The following PIEZO1 variants were observed in gnomAD, a reference collection of about 807,000 sequenced individuals.
The protein encoded by PIEZO1 is piezo type mechanosensitive ion channel component 1 (Er blood group).
In PIEZO1, 296 loss-of-function variants were observed where a neutral mutation model predicts 297.2. That is an observed-to-expected ratio of 1.00 (90% CI 0.91 to 1.10). PIEZO1 has a LOEUF of 1.10. Ranked by LOEUF, PIEZO1 falls within the 50% of genes least tolerant of loss-of-function variation. The pLI, the probability that PIEZO1 is intolerant of heterozygous loss-of-function variation, is 0.00. For synonymous variants in PIEZO1, 2,427 were observed against 1,507.5 expected, an observed-to-expected ratio of 1.61 and a Z score of -14.13; for missense variants, 5,018 against 3,455.5, an observed-to-expected ratio of 1.45 and a Z score of -11.34.
At chr16:88,744,423 C>A (rs765265665) in intron 2 of PIEZO1, 3 of 152,006 alleles carry the variant, frequency 2.0e-5, no homozygotes, top group Non-Finnish European at 4.4e-5. Flanking sequence ...CTGTCAAGGA[C>A]CCCCGGGCAC....
chr16:88,764,485 G>A (rs1907076970), intron 1 of PIEZO1, among the ~76,000 whole-genome samples: 1 of 152,048 alleles, frequency 6.6e-6, no homozygotes, highest in African/African-American at 2.4e-5. Context: ...GGGCGCGGTG[G>A]CTCACACCTG....
intron 1 of PIEZO1, among the ~76,000 whole-genome samples, chr16:88,759,917 C>T (rs74033396): frequency 0.36 from 54,658 of 152,062 alleles, 11,694 homozygotes; most frequent in African/African-American, 0.61. Context: ...GGGGCTCCCC[C>T]AATGGAGGCC....
chr16:88,773,968 G>T (rs1357741981), intron 1 of PIEZO1, among the ~76,000 whole-genome samples: 1 of 152,050 alleles, frequency 6.6e-6, no homozygotes, highest in Non-Finnish European at 1.5e-5. Context: ...CTTCAGCACC[G>T]CAAGCCTCCT....
intron 1 of PIEZO1, among the ~76,000 whole-genome samples, chr16:88,765,968 C>T (rs917146389): frequency 2.0e-4 from 31 of 152,122 alleles, no homozygotes; most frequent in Non-Finnish European, 3.4e-4. Context: ...GCACTGCACC[C>T]GGCCGCTATC....
At position 88,715,482 on chromosome 16, in the gene PIEZO1, G is replaced by A. The variant is rs894485572; in HGVS notation, c.*123C>T. 2.3e-5 allele frequency: 25 copies of A among 1,080,920 alleles called. No individual in the cohort carries two copies. In the Admixed American group the frequency reaches 4.7e-4, roughly 20 times the overall value. 67.0% of individuals were successfully genotyped at this position (1,080,920 alleles called of 1,614,324 possible). A position where few individuals can be genotyped will look rare whatever the true frequency, so the allele number is the denominator to read the frequency against. ...GCATCAGGGCTCAGGCAGGCCGGGAGGATGCATCACAGCTGGCGGCCTTGG... is the reference window on the plus strand; with the variant it reads ...GCATCAGGGCTCAGGCAGGCCGGGAAGATGCATCACAGCTGGCGGCCTTGG... On this transcript the variant is annotated 3_prime_UTR_variant, in exon 51 of 51. Coordinates refer to ENST00000301015, the MANE Select transcript of PIEZO1 (RefSeq NM_001142864.4).
chr16:88,735,449 A>G (rs1467731368), intron 12 of PIEZO1, among the ~76,000 whole-genome samples: 1 of 152,260 alleles, frequency 6.6e-6, no homozygotes, highest in African/African-American at 2.4e-5. Flanking sequence ...TCTCACATCC[A>G]TGGATGAGTG....
At chr16:88,731,630 G>T in intron 22 of PIEZO1, 76 bp downstream of exon 22, 1 of 1,155,736 alleles carries the variant, frequency 8.7e-7, no homozygotes, top group Non-Finnish European at 1.3e-6. Flanking sequence ...CAGGAGTCTG[G>T]GGCAGGCGGG....
Position 88,785,067 on chromosome 16 carries a change from C to A in PIEZO1, c.-103G>T, listed in dbSNP as rs1440827255. On this transcript the variant is annotated 5_prime_UTR_variant, in exon 1 of 51. Coordinates refer to ENST00000301015, the MANE Select transcript of PIEZO1 (RefSeq NM_001142864.4). ...GCGCGCCATGGCTGACCCGCGGGGA[C>A]CCGCGCGCCGCCTTCTCCTCTTCCT... 2 of 644,004 alleles carry A rather than the reference C, an allele frequency of 3.1e-6. No homozygotes were observed. Among genetic ancestry groups the A allele is most frequent in the East Asian group, 9.1e-5 (2 of 22,028 alleles). 39.9% of individuals were successfully genotyped at this position (644,004 alleles called of 1,614,324 possible). A position where few individuals can be genotyped will look rare whatever the true frequency, so the allele number is the denominator to read the frequency against.
At chr16:88,731,110 C>G (rs1028212218) in intron 22 of PIEZO1, 2 of 155,822 alleles carry the variant, frequency 1.3e-5, no homozygotes, top group Non-Finnish European at 2.9e-5. Context: ...GCGTCAGCAA[C>G]GCTACCGGCC....
Position 88,733,328 on chromosome 16 carries a change from A to G in PIEZO1, c.2614T>C (p.Tyr872His), listed in dbSNP as rs1184908264. 4 of 1,550,086 alleles carry G rather than the reference A, an allele frequency of 2.6e-6. No homozygotes were observed. Among genetic ancestry groups the G allele is most frequent in the Non-Finnish European group, 3.5e-6 (4 of 1,146,734 alleles). The change falls in exon 19 of 51, where the codon TAC becomes CAC. Residue 872 changes from tyrosine (Y) to histidine (H), a missense_variant. Tyr to His is a moderately conservative substitution (Grantham distance 83). Transcript: ENST00000301015. ...TGGGGGTTGACAACCTTGAGCTGGT[A>G]CAGCATCTTACACACGATGATGACG... Reference protein sequence around the residue: ...TCVIIVCKMLYQLKVVNPQEY... With the variant: ...TCVIIVCKMLHQLKVVNPQEY...
intron 1 of PIEZO1, among the ~76,000 whole-genome samples, chr16:88,768,043 A>G (rs1246757455): frequency 3.9e-5 from 6 of 152,164 alleles, no homozygotes; most frequent in African/African-American, 1.4e-4. Context: ...GACCCCTTAA[A>G]GCAGAGGTCT....
Position 88,723,855 on chromosome 16 carries a change from G to A in PIEZO1, c.4335+16C>T. 1.4e-6 allele frequency: 2 copies of A among 1,382,272 alleles called. No individual in the cohort carries two copies. Among genetic ancestry groups the A allele is most frequent in the East Asian group, 2.5e-5 (1 of 40,148 alleles). 85.6% of individuals were successfully genotyped at this position (1,382,272 alleles called of 1,614,324 possible). On this transcript the variant is annotated intron_variant, in intron 31 of 50. Transcript: ENST00000301015. ...TCTGTGGTTGGAGTGGGGCCGACGG[G>A]GCTCTCCCACCTCACCTGGAAGGCA... is the stretch of plus-strand genomic sequence containing the variant.
chr16:88,721,378 T>C lies in PIEZO1; in HGVS notation c.5456A>G (p.Lys1819Arg), dbSNP rs1912439566. ...EEDSPSKEHD[K>R]SGEEEQGAEE... Reference sequence around the variant, plus strand: ...GGCTCCCTGCTCCTCCTCGCCGCTCTTGTCATGCTCCTTGGATGGTGAGTC... The same window carrying C: ...GGCTCCCTGCTCCTCCTCGCCGCTCCTGTCATGCTCCTTGGATGGTGAGTC... The change falls in exon 39 of 51, where the codon AAG (lysine) becomes AGG (arginine). Residue 1819 changes from lysine (K) to arginine (R), a missense_variant. By Grantham distance (26) the Lys-to-Arg change is conservative. Coordinates refer to ENST00000301015, the MANE Select transcript of PIEZO1 (RefSeq NM_001142864.4). The C allele has an allele frequency of 1.3e-6, 2 of 1,549,874 alleles. No individual in the cohort carries two copies. The highest frequency in any genetic ancestry group is 1.7e-6 in the Non-Finnish European group (2 of 1,146,864).
At chr16:88,719,497 G>A (rs1008500415) in intron 44 of PIEZO1, 77 bp downstream of exon 44, 40 of 1,394,422 alleles carry the variant, frequency 2.9e-5, no homozygotes, top group Middle Eastern at 1.8e-4. Context: ...ACGGGTTCTC[G>A]TGGCAGCAGT....
At chr16:88,725,389 T>G (rs1012183987) in intron 29 of PIEZO1, 27 bp downstream of exon 29, 26 of 1,325,738 alleles carry the variant, frequency 2.0e-5, no homozygotes, top group Non-Finnish European at 2.6e-5. Context: ...CACGGGGCCC[T>G]GGGTGCCCGA....
chr16:88,756,586 G>A (rs892711966), intron 1 of PIEZO1, among the ~76,000 whole-genome samples: 8 of 151,914 alleles, frequency 5.3e-5, no homozygotes, highest in African/African-American at 1.7e-4. Context: ...TGGCCAACAT[G>A]GTGAAACCCC....
Position 88,726,646 on chromosome 16 carries a change from G to A in PIEZO1, c.3700-3C>T, listed in dbSNP as rs774000535. 57 of 1,482,410 alleles carry A rather than the reference G, an allele frequency of 3.8e-5. No individual in the cohort carries two copies. The highest frequency in any genetic ancestry group is 4.7e-5 in the Non-Finnish European group (51 of 1,092,092). The allele number at this position is 1,482,410 out of a possible 1,614,324, so 91.8% of individuals were successfully genotyped here. Reference sequence around the variant, plus strand: ...TCCACGAAGACGCAGGCCAGGAGCTGGGGGAGAGCAGGGTCAGCGGGGCCA... The same window carrying A: ...TCCACGAAGACGCAGGCCAGGAGCTAGGGGAGAGCAGGGTCAGCGGGGCCA... On this transcript the variant is annotated splice_polypyrimidine_tract_variant and splice_region_variant and intron_variant, in intron 25 of 50. Coordinates refer to ENST00000301015, the MANE Select transcript of PIEZO1 (RefSeq NM_001142864.4).
rs1441284167 is a variant in PIEZO1 at position 88,742,027 on chromosome 16, G to C, written c.326+26C>G. 10 of 1,534,970 alleles carry C rather than the reference G, an allele frequency of 6.5e-6. No homozygotes were observed. The African/African-American group carries it at 1.1e-4, about 17-fold the overall frequency. On this transcript the variant is annotated intron_variant, in intron 4 of 50. Coordinates refer to ENST00000301015, the MANE Select transcript of PIEZO1 (RefSeq NM_001142864.4). Reference sequence around the variant, plus strand: ...TGAAATCCCCAAGGGAGGCTTGCTGGTTGGGGGTGGGAGGAATGGTCTTAC... The same window carrying C: ...TGAAATCCCCAAGGGAGGCTTGCTGCTTGGGGGTGGGAGGAATGGTCTTAC...
chr16:88,723,146 C>A lies in PIEZO1; in HGVS notation c.4444G>T (p.Gly1482Cys), dbSNP rs764863988. The change falls in exon 33 of 51, where the codon GGT (glycine) becomes TGT (cysteine). Residue 1482 changes from glycine to cysteine, a missense_variant. Gly to Cys is a radical substitution (Grantham distance 159). Transcript: ENST00000301015. The stretch of plus-strand genomic sequence containing the variant: ...GCTGGCTCCACCTCCTGGCTGGGAC[C>A]ACCTCCTGGGCACAGGATGCTGGTG... The part of the protein sequence containing the change: ...EQAGQLPTGG[G>C]PSQEVEPAEG... 62 of 1,549,116 alleles carry A rather than the reference C, an allele frequency of 4.0e-5. 1 individual carries two copies. The East Asian group carries it at 1.5e-3, about 37-fold the overall frequency.
Sources: allele counts gnomAD v4.1 joint callset (sites outside exome capture counted in the v4.1 genomes callset), GRCh38; gene constraint gnomAD v4.1.1; transcripts MANE v1.5; gene names NCBI Gene and HGNC (gene_info 2026-07-23, HGNC 2026-07-21).